Variants in PPL observed in about 807,000 individuals in gnomAD.
PPL encodes periplakin.
Under a neutral mutation model 194.4 loss-of-function variants are expected in PPL, and 198 were observed. That is an observed-to-expected ratio of 1.02 (90% CI 0.91 to 1.15). The LOEUF (loss-of-function observed/expected upper bound fraction) is 1.15. Ranked by LOEUF, PPL falls within the 50% of genes most tolerant of loss-of-function variation. The pLI is 0.00. For synonymous variants in PPL, 1,220 were observed against 972.4 expected (o/e 1.25, Z -4.74); for missense variants, 2,885 against 2,294.8 (o/e 1.26, Z -5.25).
At chr16:4,934,545 G>A (rs915523880) in intron 1 of PPL, among the ~76,000 whole-genome samples, 1 of 152,116 alleles carries the variant, frequency 6.6e-6, no homozygotes, top group Non-Finnish European at 1.5e-5. Context: ...CTCCAGGGTG[G>A]AGATGCCAGG....
intron 20 of PPL, among the ~76,000 whole-genome samples, chr16:4,887,641 C>T (rs2088240174): frequency 6.6e-6 from 1 of 152,198 alleles, no homozygotes; most frequent in Non-Finnish European, 1.5e-5. Flanking sequence ...GAATCTCTTT[C>T]ACTCAGACTG....
chr16:4,884,116 C>T lies in PPL; in HGVS notation c.4539G>A (p.Glu1513=), dbSNP rs951482660. The change falls in exon 22 of 22, where the codon GAG becomes GAA. Residue 1513 remains glutamate (E), a synonymous_variant. Coordinates refer to ENST00000345988, the MANE Select transcript of PPL (RefSeq NM_002705.5). This position sits in a 1 kb window ranked among gnomAD's most constrained non-coding sequence, Gnocchi z 5.7. ...ESVQVEKGDT[E]QEIQRLKSSL... The stretch of plus-strand genomic sequence containing the variant: ...TGCTCTTGAGCCTCTGGATCTCTTG[C>T]TCGGTGTCGCCCTTCTCCACCTGGA... 8 of 1,613,494 alleles carry T rather than the reference C, an allele frequency of 5.0e-6. No individual in the cohort carries two copies. Among genetic ancestry groups the T allele is most frequent in the Non-Finnish European group, 6.8e-6 (8 of 1,180,000 alleles).
At chr16:4,896,156 C>A (rs1316637387) in intron 9 of PPL, among the ~76,000 whole-genome samples, 5 of 152,104 alleles carry the variant, frequency 3.3e-5, no homozygotes, top group Non-Finnish European at 2.9e-5. Context: ...TGTCAGCTAT[C>A]CCCTGGGCTG....
chr16:4,901,208 A>G, intron 4 of PPL, 119 bp from the exon 5 acceptor site: 1 of 1,137,234 alleles, frequency 8.8e-7, no homozygotes, highest in South Asian at 1.6e-5. Flanking sequence ...GGGGCCCTGC[A>G]GAGCCACAAG....
intron 1 of PPL, among the ~76,000 whole-genome samples, chr16:4,932,053 T>C (rs1001879840): frequency 2.0e-5 from 3 of 152,204 alleles, no homozygotes; most frequent in African/African-American, 7.2e-5. Flanking sequence ...CCAGGCACAG[T>C]TGCTGCCAGA....
At chr16:4,891,607 C>T in intron 16 of PPL, 3 of 574,740 alleles carry the variant, frequency 5.2e-6, no homozygotes, top group Non-Finnish European at 8.7e-6. Flanking sequence ...AAAATGCTGG[C>T]ACCCGAAATC....
chr16:4,921,618 C>T (rs958486350), intron 1 of PPL, among the ~76,000 whole-genome samples: 3 of 152,154 alleles, frequency 2.0e-5, no homozygotes, highest in African/African-American at 7.2e-5. Context: ...AGACATGCAC[C>T]ACCACGCCCG....
chr16:4,886,110 C>G (rs917933393), intron 21 of PPL, 63 bp from the exon 22 acceptor site: 2 of 1,598,986 alleles, frequency 1.3e-6, no homozygotes, highest in Non-Finnish European at 1.7e-6. Flanking sequence ...AGGGCCTGTC[C>G]CCACCTGGTC....
At chr16:4,910,985 C>T (rs1181862285) in intron 1 of PPL, 36 bp from the exon 2 acceptor site, 7 of 1,569,244 alleles carry the variant, frequency 4.5e-6, no homozygotes, top group Non-Finnish European at 5.2e-6. Flanking sequence ...GGGCGGGGTG[C>T]CTGGTGGGTG....
chr16:4,890,637 A>C, intron 17 of PPL, 91 bp downstream of exon 17: 1 of 1,434,162 alleles, frequency 7.0e-7, no homozygotes, highest in Non-Finnish European at 9.3e-7. Context: ...AAAAACAGCA[A>C]AATCTGTGGG....
chr16:4,893,690 C>T, intron 12 of PPL, 52 bp from the exon 13 acceptor site: 2 of 1,468,094 alleles, frequency 1.4e-6, no homozygotes, highest in Non-Finnish European at 1.8e-6. Flanking sequence ...ACCCCCTGCA[C>T]CCACAGAGGC....
At chr16:4,926,235 G>C (rs1004686724) in intron 1 of PPL, among the ~76,000 whole-genome samples, 14 of 152,170 alleles carry the variant, frequency 9.2e-5, no homozygotes, top group African/African-American at 3.4e-4. Context: ...AGGTTAGTAA[G>C]AGGTCTATGC....
At chr16:4,911,156 C>CTTTTTTTTT (rs34229581) in intron 1 of PPL, among the ~76,000 whole-genome samples, 1 of 85,900 alleles carries the variant, frequency 1.2e-5, no homozygotes, top group Non-Finnish European at 2.2e-5. Flanking sequence ...GGTCAGCCTC[C>CTTTTTTTTT]TTTTTTTTTT....
At chr16:4,905,182 G>A (rs1203047474) in intron 2 of PPL, among the ~76,000 whole-genome samples, 1 of 152,154 alleles carries the variant, frequency 6.6e-6, no homozygotes, top group Non-Finnish European at 1.5e-5. Flanking sequence ...CCCTAGCTGG[G>A]TCTCAGCATT....
At chr16:4,896,002 G>C (rs537666155) in intron 9 of PPL, among the ~76,000 whole-genome samples, 4 of 152,360 alleles carry the variant, frequency 2.6e-5, no homozygotes, top group African/African-American at 9.6e-5. Flanking sequence ...AAGTCTTGAG[G>C]TGTCTTTGAT....
At chr16:4,915,675 C>G (rs962144784) in intron 1 of PPL, among the ~76,000 whole-genome samples, 1 of 152,214 alleles carries the variant, frequency 6.6e-6, no homozygotes, top group African/African-American at 2.4e-5. Context: ...AGGAAAATCA[C>G]ACCAATAACA....
chr16:4,910,759 G>T, intron 2 of PPL, 91 bp downstream of exon 2: 1 of 1,156,178 alleles, frequency 8.6e-7, no homozygotes, highest in East Asian at 2.4e-5. Flanking sequence ...ATCACCCCTG[G>T]GTGAGAATCA....
intron 2 of PPL, among the ~76,000 whole-genome samples, chr16:4,908,496 A>C (rs1314589065): frequency 6.6e-6 from 1 of 151,990 alleles, no homozygotes; most frequent in Non-Finnish European, 1.5e-5. Flanking sequence ...GTTAATAGTC[A>C]GTAGATACCT....
chr16:4,899,886 G>A (rs1436241765), intron 6 of PPL, among the ~76,000 whole-genome samples: 1 of 152,164 alleles, frequency 6.6e-6, no homozygotes, highest in Non-Finnish European at 1.5e-5. Flanking sequence ...CTGAGAAGCG[G>A]GTGTGCAAGG....
Sources: gnomAD v4.1 joint callset for allele counts (sites outside exome capture counted in the v4.1 genomes callset) on GRCh38, gnomAD v4.1.1 for gene constraint, Gnocchi (gnomAD v3.1) non-coding constraint, MANE v1.5 for transcripts, NCBI Gene and HGNC (gene_info 2026-07-23, HGNC 2026-07-21) for gene names.